Variants in CCSER1 observed in about 807,000 individuals in gnomAD.
CCSER1 encodes the protein coiled-coil serine rich protein 1, also known as serine-rich coiled-coil domain-containing protein 1.
In CCSER1, 41 loss-of-function variants were observed where a neutral mutation model predicts 82.0. The observed-to-expected ratio is 0.50, with a 90% CI of 0.39 to 0.65. The LOEUF (loss-of-function observed/expected upper bound fraction) is 0.65. Among genes scored for constraint, CCSER1 ranks in the 30% least tolerant of loss-of-function variants. CCSER1 has a pLI of 0.00. For synonymous variants in CCSER1, 414 were observed against 383.9 expected (o/e 1.08, Z -0.92); for missense variants, 1,119 against 1,064.2 (o/e 1.05, Z -0.72).
chr4:90,811,662 C>T (rs1232490460), intron 7 of CCSER1, among the ~76,000 whole-genome samples: 2 of 151,948 alleles, frequency 1.3e-5, no homozygotes, highest in Non-Finnish European at 2.9e-5. Context: ...ATGATGGCTT[C>T]CTGATTATTA....
chr4:91,363,632 C>T (rs943756481), intron 10 of CCSER1, among the ~76,000 whole-genome samples: 3 of 151,648 alleles, frequency 2.0e-5, no homozygotes, highest in African/African-American at 7.3e-5. Flanking sequence ...TCAAATAGTG[C>T]TCAATAAAAT....
chr4:91,132,931 T>C (rs1268277573), intron 10 of CCSER1, among the ~76,000 whole-genome samples: 1 of 152,182 alleles, frequency 6.6e-6, no homozygotes, highest in African/African-American at 2.4e-5. Context: ...CAATAATTTT[T>C]CTTCCTAACA....
chr4:91,048,579 GA>G (rs1742721356), intron 9 of CCSER1, among the ~76,000 whole-genome samples: 1 of 152,056 alleles, frequency 6.6e-6, no homozygotes, highest in Non-Finnish European at 1.5e-5. Context: ...CAATAAGAGA[GA>G]AGGTTTATAA....
intron 10 of CCSER1, among the ~76,000 whole-genome samples, chr4:91,572,053 G>A (rs1008684022): frequency 7.2e-5 from 11 of 152,142 alleles, no homozygotes; most frequent in Admixed American, 2.0e-4. Context: ...TGTTCAGGGA[G>A]TTGCCAAGTT....
At chr4:90,470,778 A>C (rs896809380) in intron 5 of CCSER1, among the ~76,000 whole-genome samples, 4 of 150,750 alleles carry the variant, frequency 2.7e-5, no homozygotes, top group East Asian at 2.0e-4. Context: ...AAAAAAAAAA[A>C]AAACAAAACA....
At chr4:91,403,944 C>T (rs1210918922) in intron 10 of CCSER1, among the ~76,000 whole-genome samples, 6 of 151,936 alleles carry the variant, frequency 3.9e-5, no homozygotes, top group Admixed American at 2.0e-4. Flanking sequence ...TCTTTTCCTA[C>T]TCATTGGAAT....
At chr4:90,412,889 A>G (rs1331761840) in intron 4 of CCSER1, among the ~76,000 whole-genome samples, 1 of 152,180 alleles carries the variant, frequency 6.6e-6, no homozygotes, top group Non-Finnish European at 1.5e-5. Context: ...TCAACATGGT[A>G]CTGGAAGTCC....
intron 5 of CCSER1, among the ~76,000 whole-genome samples, chr4:90,614,025 C>T (rs1018728257): frequency 2.4e-4 from 37 of 152,238 alleles, no homozygotes; most frequent in Admixed American, 1.1e-3. Context: ...TTTTGGTAAT[C>T]GTCTGTCAAG....
chr4:91,161,385 G>A (rs565399512), intron 10 of CCSER1, among the ~76,000 whole-genome samples: 5 of 152,042 alleles, frequency 3.3e-5, no homozygotes, highest in Non-Finnish European at 5.9e-5. Context: ...TGGCAATGTG[G>A]GCTCTTTTTT....
intron 3 of CCSER1, among the ~76,000 whole-genome samples, chr4:90,341,793 G>A (rs1741425745): frequency 6.6e-6 from 1 of 152,032 alleles, no homozygotes; most frequent in African/African-American, 2.4e-5. Flanking sequence ...TATTTATTCT[G>A]ACCTGAATCT....
rs148728825 is a variant in CCSER1 at position 91,263,999 on chromosome 4, T to A, written c.2217+178005T>A. Among the ~76,000 whole-genome samples the A allele has an allele frequency of 1.4e-3, 219 of 152,072 alleles. 2 individuals carry two copies. The highest frequency in any genetic ancestry group is 4.8e-3 in the African/African-American group (200 of 41,560). ...TTGCTTATTCACAATAAGATTATAT[T>A]TCTATGTTTTAAATGTTGACAAAAG... On this transcript the variant is annotated intron_variant, in intron 10 of 10. Transcript: ENST00000509176.
At chr4:91,474,787 G>GTATATATATATATATA (rs764572024) in intron 10 of CCSER1, among the ~76,000 whole-genome samples, 2 of 135,184 alleles carry the variant, frequency 1.5e-5, no homozygotes, top group Admixed American at 7.7e-5. Flanking sequence ...ATATATTTGT[G>GTATATATATATATATA]TATATATATA....
At chr4:91,552,153 C>A (rs2110227292) in intron 10 of CCSER1, among the ~76,000 whole-genome samples, 1 of 151,754 alleles carries the variant, frequency 6.6e-6, no homozygotes, top group Non-Finnish European at 1.5e-5. Context: ...GGCTAAACTA[C>A]CCTCAAATTT....
chr4:90,837,619 T>C (rs1315664091), intron 8 of CCSER1, among the ~76,000 whole-genome samples: 3 of 152,134 alleles, frequency 2.0e-5, no homozygotes, highest in Non-Finnish European at 4.4e-5. Context: ...TTATACTATG[T>C]AAAATAAGTA....
intron 6 of CCSER1, among the ~76,000 whole-genome samples, chr4:90,639,269 A>G (rs1726044009): frequency 6.6e-6 from 1 of 151,748 alleles, no homozygotes; most frequent in African/African-American, 2.4e-5. Context: ...ATATCAATCA[A>G]TATTGAATCA....
At chr4:90,435,017 C>A (rs781521349) in intron 4 of CCSER1, among the ~76,000 whole-genome samples, 24 of 152,124 alleles carry the variant, frequency 1.6e-4, no homozygotes, top group Admixed American at 3.3e-4. Flanking sequence ...CTCACTGCTT[C>A]TTCTTCTTTG....
intron 1 of CCSER1, among the ~76,000 whole-genome samples, chr4:90,136,820 C>T (rs1420835818): frequency 2.0e-5 from 3 of 152,010 alleles, no homozygotes; most frequent in African/African-American, 7.2e-5. Flanking sequence ...AGGAAAAGCT[C>T]GAAGTGAGAA....
intron 8 of CCSER1, among the ~76,000 whole-genome samples, chr4:90,821,027 C>T (rs17247719): frequency 0.19 from 29,491 of 151,928 alleles, 3,542 homozygotes; most frequent in South Asian, 0.29. Context: ...GTTTTCATTC[C>T]GTGATCAGTG....
intron 10 of CCSER1, among the ~76,000 whole-genome samples, chr4:91,415,173 T>C (rs1753280161): frequency 6.6e-6 from 1 of 152,114 alleles, no homozygotes; most frequent in African/African-American, 2.4e-5. Flanking sequence ...AGATAGCAAT[T>C]GTGAATGGGA....
Sources: allele counts gnomAD v4.1 joint callset (sites outside exome capture counted in the v4.1 genomes callset), GRCh38; gene constraint gnomAD v4.1.1; transcripts MANE v1.5; gene names NCBI Gene and HGNC (gene_info 2026-07-23, HGNC 2026-07-21).